HTR1F: variants seen among roughly 807,000 people sequenced by gnomAD.
The protein encoded by HTR1F is 5-hydroxytryptamine (serotonin) receptor 1F, G protein-coupled.
In HTR1F, 17 loss-of-function variants were observed where a neutral mutation model predicts 24.0. That is an observed-to-expected ratio of 0.71 (90% CI 0.48 to 1.06). HTR1F has a LOEUF of 1.06. Among genes scored for constraint, HTR1F ranks in the 50% least tolerant of loss-of-function variants. The pLI, the probability that HTR1F is intolerant of heterozygous loss-of-function variation, is 0.00. For synonymous variants in HTR1F, 186 were observed against 156.8 expected (o/e 1.19, Z -1.39); for missense variants, 391 against 427.8 (o/e 0.91, Z 0.76).
chr3:87,884,802 C>T (rs1368196705), intron 2 of HTR1F, among the ~76,000 whole-genome samples: 1 of 152,150 alleles, frequency 6.6e-6, no homozygotes, highest in Non-Finnish European at 1.5e-5. Flanking sequence ...AGCTAACTAT[C>T]CTAAATATAT....
chr3:87,928,271 C>T (rs1704176389), intron 2 of HTR1F, among the ~76,000 whole-genome samples: 1 of 152,046 alleles, frequency 6.6e-6, no homozygotes, highest in Non-Finnish European at 1.5e-5. Flanking sequence ...GTCTCAAACT[C>T]CTGTCCTCAA....
intron 2 of HTR1F, among the ~76,000 whole-genome samples, chr3:87,872,177 C>T (rs1050224575): frequency 6.6e-6 from 1 of 151,884 alleles, no homozygotes; most frequent in Non-Finnish European, 1.5e-5. Flanking sequence ...AGAAAAAAAT[C>T]GCTAAGAAAG....
intron 2 of HTR1F, among the ~76,000 whole-genome samples, chr3:87,980,689 C>T (rs1305678913): frequency 6.6e-6 from 1 of 151,854 alleles, no homozygotes; most frequent in Non-Finnish European, 1.5e-5. Flanking sequence ...TGAGGGGCAT[C>T]TGCAGGCCTG....
At chr3:87,868,437 T>C (rs148880182) in intron 2 of HTR1F, among the ~76,000 whole-genome samples, 197 of 152,134 alleles carry the variant, frequency 1.3e-3, no homozygotes, top group African/African-American at 4.5e-3. Flanking sequence ...AAGAAGGATA[T>C]AATTAGATAG....
chr3:87,957,590 G>A (rs968350520), intron 2 of HTR1F, among the ~76,000 whole-genome samples: 3 of 151,234 alleles, frequency 2.0e-5, no homozygotes, highest in African/African-American at 4.8e-5. Flanking sequence ...AATCAGATAA[G>A]GTTCTCCAGC....
intron 2 of HTR1F, among the ~76,000 whole-genome samples, chr3:87,860,964 C>T (rs1315677878): frequency 1.3e-5 from 2 of 152,148 alleles, no homozygotes; most frequent in Non-Finnish European, 2.9e-5. Flanking sequence ...CGAGACTAGC[C>T]TGGCCAACAT....
rs1043776750 is a variant in HTR1F at position 87,941,940 on chromosome 3, C to T, written c.-42-48768C>T. ...TTGCATGGTTTTACTAGGCCTTGGG[C>T]TTTTAGGTCCTTAATCTTTTGGAGT... On this transcript the variant is annotated intron_variant, in intron 2 of 2. Coordinates refer to ENST00000319595, the MANE Select transcript of HTR1F (RefSeq NM_001322209.2). Among the ~76,000 whole-genome samples, 3 of 152,192 alleles carry T rather than the reference C, an allele frequency of 2.0e-5. 1 individual carries two copies.
intron 1 of HTR1F, chr3:87,793,522 G>A (rs1703852417): frequency 6.6e-6 from 1 of 152,144 alleles, no homozygotes. Flanking sequence ...CCTGTTTGGA[G>A]GGGCAATCAA....
chr3:87,826,018 G>T (rs1575913576), intron 2 of HTR1F, among the ~76,000 whole-genome samples: 2 of 152,180 alleles, frequency 1.3e-5, no homozygotes, highest in African/African-American at 4.8e-5. Flanking sequence ...GACTAAATAA[G>T]ATCATGTGTA....
At chr3:87,938,653 A>ATAT (rs1228480260) in intron 2 of HTR1F, among the ~76,000 whole-genome samples, 10 of 152,176 alleles carry the variant, frequency 6.6e-5, no homozygotes, top group Non-Finnish European at 1.3e-4. Context: ...AGACCATCTA[A>ATAT]TATTTAACAA....
chr3:87,872,926 G>C (rs1404926525), intron 2 of HTR1F, among the ~76,000 whole-genome samples: 2 of 151,960 alleles, frequency 1.3e-5, no homozygotes. Flanking sequence ...GGAATGCTTT[G>C]AAACTTATTT....
At chr3:87,802,527 C>G (rs12485486) in intron 1 of HTR1F, among the ~76,000 whole-genome samples, 45,694 of 151,250 alleles carry the variant, frequency 0.3, 7,047 homozygotes, top group East Asian at 0.42. Context: ...TGTTTTCCTT[C>G]TGGAGACAGT....
chr3:87,847,024 A>G (rs904951105), intron 2 of HTR1F, among the ~76,000 whole-genome samples: 4 of 151,844 alleles, frequency 2.6e-5, no homozygotes, highest in African/African-American at 7.3e-5. Flanking sequence ...GGGGAAAAAT[A>G]AAAACAAAAA....
At chr3:87,881,055 G>A (rs1224460785) in intron 2 of HTR1F, among the ~76,000 whole-genome samples, 1 of 152,146 alleles carries the variant, frequency 6.6e-6, no homozygotes, top group Non-Finnish European at 1.5e-5. Flanking sequence ...TAGGTACTGG[G>A]TTCATCTCAC....
At chr3:87,813,406 C>G (rs796997115) in intron 1 of HTR1F, among the ~76,000 whole-genome samples, 1 of 152,208 alleles carries the variant, frequency 6.6e-6, no homozygotes, top group African/African-American at 2.4e-5. Context: ...ATGCCTGTAT[C>G]CCCATTATAT....
chr3:87,930,548 T>G (rs958167828), intron 2 of HTR1F, among the ~76,000 whole-genome samples: 2 of 152,186 alleles, frequency 1.3e-5, no homozygotes, highest in African/African-American at 4.8e-5. Context: ...GACAATCATA[T>G]GGTTTTTGTT....
chr3:87,918,377 A>G lies in HTR1F; in HGVS notation c.-42-72331A>G, dbSNP rs576938421. Among the ~76,000 whole-genome samples the G allele has an allele frequency of 4.6e-5, 7 of 152,238 alleles. No homozygotes were observed. The South Asian group carries it at 1.5e-3, about 32-fold the overall frequency. On this transcript the variant is annotated intron_variant, in intron 2 of 2. Transcript: ENST00000319595. Reference sequence around the variant, plus strand: ...ACTGGAAGTCCTAGCCAGAGCAATCAGACAAGAGAAAGGAATAAAGAAAGG... The same window carrying G: ...ACTGGAAGTCCTAGCCAGAGCAATCGGACAAGAGAAAGGAATAAAGAAAGG...
At chr3:87,851,114 G>T (rs1705077533) in intron 2 of HTR1F, among the ~76,000 whole-genome samples, 1 of 151,322 alleles carries the variant, frequency 6.6e-6, no homozygotes, top group African/African-American at 2.4e-5. Flanking sequence ...AACAAGCCTG[G>T]GTGCATCTTT....
At chr3:87,923,843 C>A (rs1456041874) in intron 2 of HTR1F, among the ~76,000 whole-genome samples, 3 of 151,658 alleles carry the variant, frequency 2.0e-5, no homozygotes, top group Non-Finnish European at 4.4e-5. Context: ...GGGATATATC[C>A]AATTTGATCA....
Sources: allele counts gnomAD v4.1 joint callset (sites outside exome capture counted in the v4.1 genomes callset), GRCh38; gene constraint gnomAD v4.1.1; transcripts MANE v1.5; gene names NCBI Gene and HGNC (gene_info 2026-07-23, HGNC 2026-07-21).